The following NFATC2 variants were observed in gnomAD, a reference collection of about 807,000 sequenced individuals.
NFATC2 encodes the protein nuclear factor of activated T-cells, cytoplasmic 2.
A neutral mutation model predicts 87.3 loss-of-function variants in NFATC2; 22 were observed. That is an observed-to-expected ratio of 0.25 (90% CI 0.18 to 0.36). The LOEUF is 0.36. NFATC2 is among the 10% of genes least tolerant of loss of function. NFATC2 has a pLI of 1.00. For missense variants in NFATC2, 1,149 were observed against 1,259.1 expected (o/e 0.91, Z 1.32); for synonymous variants, 565 against 542.2 (o/e 1.04, Z -0.58).
chr20:51,487,320 A>T (rs6123041), intron 3 of NFATC2, among the ~76,000 whole-genome samples: 65,017 of 151,996 alleles, frequency 0.43, 16,080 homozygotes, highest in Admixed American at 0.58. Context: ...GAACACATTG[A>T]TAAGACATTC....
intron 9 of NFATC2, among the ~76,000 whole-genome samples, chr20:51,419,930 A>G (rs140693229): frequency 4.1e-4 from 62 of 152,216 alleles, no homozygotes; most frequent in Middle Eastern, 3.4e-3. Context: ...TCAAATGATA[A>G]GGACAAAAGG....
intron 2 of NFATC2, 64 bp from the exon 3 acceptor site, chr20:51,517,019 A>AT: frequency 6.8e-7 from 1 of 1,478,154 alleles, no homozygotes; most frequent in Non-Finnish European, 9.2e-7. Context: ...TTGTACAATA[A>AT]TTGTAAACGG....
chr20:51,489,407 T>C (rs1049843636), intron 3 of NFATC2, among the ~76,000 whole-genome samples: 2 of 152,194 alleles, frequency 1.3e-5, no homozygotes, highest in African/African-American at 4.8e-5. Context: ...AATGACTTCA[T>C]AGCACTTTGG....
Position 51,432,118 on chromosome 20 carries a change from C to T in NFATC2, c.2671G>A (p.Gly891Arg), listed in dbSNP as rs1982804960. The T allele has an allele frequency of 3.8e-6, 6 of 1,567,352 alleles. No homozygotes were observed. Among genetic ancestry groups the T allele is most frequent in the Non-Finnish European group, 5.2e-6 (6 of 1,153,332 alleles). Residue 891 changes from glycine (G) to arginine (R), a missense_variant, in exon 9 of 11, where the codon GGG (glycine) becomes AGG (arginine). Around this residue, in one of 3 missense-constraint regions of NFATC2, gnomAD observed 581 missense variants for 649.7 expected, o/e 0.89. Transcript: ENST00000371564. The surrounding 1 kb of genome is among the most constrained non-coding windows in gnomAD (Gnocchi z 4.6). ...TTCTGCTCCTGTTTAATGGTCACCCCCGCAGGTAATACTTCCTTTTGGTCA... is the reference window on the plus strand; with the variant it reads ...TTCTGCTCCTGTTTAATGGTCACCCTCGCAGGTAATACTTCCTTTTGGTCA... Reference protein sequence around the residue: ...VSDQKEVLPAGVTIKQEQNLD... With the variant: ...VSDQKEVLPARVTIKQEQNLD...
intron 3 of NFATC2, among the ~76,000 whole-genome samples, chr20:51,494,344 G>A (rs1219035745): frequency 2.6e-5 from 4 of 151,692 alleles, no homozygotes; most frequent in African/African-American, 9.7e-5. Context: ...CCTGGCTGGT[G>A]GCTTTTCTGC....
intron 5 of NFATC2, among the ~76,000 whole-genome samples, chr20:51,456,152 A>G: frequency 6.6e-6 from 1 of 151,592 alleles, no homozygotes. Context: ...GGGTGGGTGG[A>G]TGAATGGATA....
chr20:51,523,533 C>T lies in NFATC2; in HGVS notation c.708G>A (p.Ser236=). 1 of 1,613,536 alleles carries T rather than the reference C, an allele frequency of 6.2e-7. No homozygotes were observed. The highest frequency in any genetic ancestry group is 8.5e-7 in the Non-Finnish European group (1 of 1,179,710). ...LAEDSCLGRH[S]PVPRPASRSS... is the part of the protein sequence containing the mutation. ...AGCGGGAGGCCGGACGGGGCACGGG[C>T]GAGTGGCGGCCCAGGCAGCTGTCCT... Residue 236 remains serine, a synonymous_variant, in exon 2 of 11, where the codon TCG becomes TCA. Transcript: ENST00000371564. This position sits in a 1 kb window ranked among gnomAD's most constrained non-coding sequence, Gnocchi z 6.9.
intron 5 of NFATC2, among the ~76,000 whole-genome samples, chr20:51,458,511 T>A (rs77296488): frequency 1.3e-5 from 2 of 150,584 alleles, no homozygotes; most frequent in African/African-American, 4.9e-5. Context: ...AAAAAAAAAA[T>A]CTTCAAGCCA....
chr20:51,461,567 T>C (rs1987152223), intron 5 of NFATC2, among the ~76,000 whole-genome samples: 1 of 152,158 alleles, frequency 6.6e-6, no homozygotes, highest in East Asian at 1.9e-4. Context: ...TTTAACCAGT[T>C]TGGGTGTTGA....
chr20:51,406,797 G>A (rs995956715), intron 9 of NFATC2, among the ~76,000 whole-genome samples: 1 of 152,172 alleles, frequency 6.6e-6, no homozygotes, highest in Non-Finnish European at 1.5e-5. Flanking sequence ...AGCGGCGCCT[G>A]TCTGAAAGGG....
intron 1 of NFATC2, among the ~76,000 whole-genome samples, chr20:51,532,600 C>T (rs999672383): frequency 6.6e-6 from 1 of 152,218 alleles, no homozygotes; most frequent in Non-Finnish European, 1.5e-5. Context: ...CAGCGCCTCT[C>T]CCCCTGGAAG....
chr20:51,535,212 C>A (rs2076700025), intron 1 of NFATC2, among the ~76,000 whole-genome samples: 1 of 152,206 alleles, frequency 6.6e-6, no homozygotes, highest in African/African-American at 2.4e-5. Context: ...GCTAAACCCA[C>A]CCACTCTGTC....
chr20:51,502,555 C>T (rs1212837554), intron 3 of NFATC2, among the ~76,000 whole-genome samples: 1 of 152,124 alleles, frequency 6.6e-6, no homozygotes, highest in Non-Finnish European at 1.5e-5. Context: ...AAGCTTGTCT[C>T]GAACTCCTGG....
intron 1 of NFATC2, among the ~76,000 whole-genome samples, chr20:51,553,203 T>C (rs994476160): frequency 6.6e-6 from 1 of 152,162 alleles, no homozygotes; most frequent in African/African-American, 2.4e-5. Flanking sequence ...AGCCCCCACC[T>C]GTCTTCCTCA....
chr20:51,524,115 A>T lies in NFATC2; in HGVS notation c.131-5T>A. On this transcript the variant is annotated splice_polypyrimidine_tract_variant and splice_region_variant and intron_variant, in intron 1 of 10. Transcript: ENST00000371564. The surrounding 1 kb of genome is among the most constrained non-coding windows in gnomAD (Gnocchi z 4.0). ...CCTTATGTGCATTCGGCTCTTCTGG[A>T]AAGAGAAGGGGGAAGGGGGTTCTTT... 6.9e-7 allele frequency: 1 copy of T among 1,450,816 alleles called. No individual in the cohort carries two copies. The highest frequency in any genetic ancestry group is 9.1e-7 in the Non-Finnish European group (1 of 1,104,132). The allele number at this position is 1,450,816 out of a possible 1,614,324, so 89.9% of individuals were successfully genotyped here.
chr20:51,391,388 G>T lies in NFATC2; in HGVS notation c.*108C>A. On this transcript the variant is annotated 3_prime_UTR_variant, in exon 11 of 11. Coordinates refer to ENST00000371564, the MANE Select transcript of NFATC2 (RefSeq NM_012340.5). ...GATACAGAAGGTGTCTTGCTATAATGGCTTCTTTTACGTCTGATTTCTGGC... is the reference window on the plus strand; with the variant it reads ...GATACAGAAGGTGTCTTGCTATAATTGCTTCTTTTACGTCTGATTTCTGGC... The T allele has an allele frequency of 6.3e-7, 1 of 1,598,522 alleles. No individual in the cohort carries two copies. Among genetic ancestry groups the T allele is most frequent in the Non-Finnish European group, 8.5e-7 (1 of 1,171,102 alleles).
chr20:51,413,926 G>A (rs1390383783), intron 9 of NFATC2, among the ~76,000 whole-genome samples: 2 of 152,190 alleles, frequency 1.3e-5, no homozygotes, highest in Non-Finnish European at 2.9e-5. Context: ...ATGAGCTAAT[G>A]CAGCAAAGTC....
Position 51,527,350 on chromosome 20 carries a change from A to C in NFATC2, c.131-3240T>G, listed in dbSNP as rs549909557. The stretch of plus-strand genomic sequence containing the variant: ...CATTCATGCCCATGAGCTGGGCTTA[A>C]GTACTGCATGCTTCTAGAAGGACCC... On this transcript the variant is annotated intron_variant, in intron 1 of 10. Transcript: ENST00000371564. Among the ~76,000 whole-genome samples, 3 of 152,268 alleles carry C rather than the reference A, an allele frequency of 2.0e-5. No homozygotes were observed. The South Asian group carries it at 6.2e-4, about 32-fold the overall frequency.
rs1034341633 is a variant in NFATC2 at position 51,480,302 on chromosome 20, G to A, written c.1333-4642C>T. Among the ~76,000 whole-genome samples the A allele has an allele frequency of 1.9e-5, 2 of 103,458 alleles. No individual in the cohort carries two copies. Among genetic ancestry groups the A allele is most frequent in the African/African-American group, 5.9e-5 (1 of 16,918 alleles). The allele number at this position is 103,458 out of a possible 152,430, so 67.9% of individuals were successfully genotyped here. A position where few individuals can be genotyped will look rare whatever the true frequency, so the allele number is the denominator to read the frequency against. On this transcript the variant is annotated intron_variant, in intron 3 of 10. Transcript: ENST00000371564. The surrounding 1 kb of genome is among the most constrained non-coding windows in gnomAD (Gnocchi z 4.2). ...GACTCTGTCTCAAAAAAAATAGAAT[G>A]TGCTTCCTGCCGCACAGGAGAGAGA...
Sources: gnomAD v4.1 joint callset for allele counts (sites outside exome capture counted in the v4.1 genomes callset) on GRCh38, gnomAD v4.1.1 for gene constraint, gnomAD v4.1.1 regional missense constraint, Gnocchi (gnomAD v3.1) non-coding constraint, MANE v1.5 for transcripts, NCBI Gene and HGNC (gene_info 2026-07-23, HGNC 2026-07-21) for gene names.